Variants in TNS2 observed in about 807,000 individuals in gnomAD.
The protein encoded by TNS2 is tensin-2.
Under a neutral mutation model 155.7 loss-of-function variants are expected in TNS2, and 77 were observed. The ratio of observed to expected loss-of-function variants is 0.49; its 90% CI spans 0.41 to 0.60. TNS2 has a LOEUF of 0.60. Among genes scored for constraint, TNS2 ranks in the 20% least tolerant of loss-of-function variants. TNS2 has a pLI of 0.00. For synonymous variants in TNS2, 726 were observed against 763.9 expected (o/e 0.95, Z 0.82); for missense variants, 1,703 against 1,868.8 (o/e 0.91, Z 1.64).
chr12:53,062,889 C>T (rs180980657), intron 25 of TNS2, 192 bp downstream of exon 25: 5 of 923,018 alleles, frequency 5.4e-6, no homozygotes, highest in African/African-American at 3.3e-5. Context: ...ATGAACAAGA[C>T]GATCATGGGG....
At position 53,060,445 on chromosome 12, in the gene TNS2, G is replaced by GCA; in HGVS notation, c.2661_2662dup (p.Ser888ThrfsTer54). 1 of 1,613,552 alleles carries GCA rather than the reference G, an allele frequency of 6.2e-7. No homozygotes were observed. The highest frequency in any genetic ancestry group is 8.5e-7 in the Non-Finnish European group (1 of 1,179,972). ...TGTCCTGGAGGGAGGGCCCCAGTGG[G>GCA]CACAGCACACTGCCTCGGTCTCCCC... On this transcript the variant is annotated frameshift_variant, in exon 19 of 29. Coordinates refer to ENST00000314250, the MANE Select transcript of TNS2 (RefSeq NM_170754.4). LOFTEE classifies it high-confidence loss of function. This position sits in a 1 kb window ranked among gnomAD's most constrained non-coding sequence, Gnocchi z 6.1.
rs780172501 is a variant in TNS2, at chr12:53,063,829, G to A, written c.4177G>A (p.Ala1393Thr). Reference protein sequence around the residue: ...LFAELDPDQPAGAIVTFITKV... With the variant: ...LFAELDPDQPTGAIVTFITKV... ...TGCAGAGCTTGACCCAGATCAGCCT[G>A]CTGGCGCCATTGTCACCTTCATCAC... The change falls in exon 29 of 29, where the codon GCT becomes ACT. Residue 1393 changes from alanine to threonine, a missense_variant. Coordinates refer to ENST00000314250, the MANE Select transcript of TNS2 (RefSeq NM_170754.4). This position sits in a 1 kb window ranked among gnomAD's most constrained non-coding sequence, Gnocchi z 5.6. 3 of 1,614,184 alleles carry A rather than the reference G, an allele frequency of 1.9e-6. No homozygotes were observed. In the South Asian group the frequency reaches 3.3e-5, roughly 18 times the overall value.
At chr12:53,057,179 C>T in intron 11 of TNS2, 83 bp downstream of exon 11, 2 of 1,425,786 alleles carry the variant, frequency 1.4e-6, no homozygotes, top group East Asian at 2.5e-5. Context: ...TCATGCAGCA[C>T]ACTTTCACTG....
upstream of TNS2, chr12:53,048,955 T>C: frequency 4.1e-6 from 2 of 493,320 alleles, no homozygotes; most frequent in South Asian, 6.5e-5. Flanking sequence ...ATTTGCACAT[T>C]CTTTCAAGTG....
Position 53,058,198 on chromosome 12 carries a change from G to A in TNS2, c.1095+96G>A, listed in dbSNP as rs183587282. The stretch of plus-strand genomic sequence containing the variant: ...ACCAATTTGAGACAGATTGGAGAGC[G>A]AGTAGGGAGATCACCTTGAGATCGA... On this transcript the variant is annotated intron_variant, in intron 14 of 28. Coordinates refer to ENST00000314250, the MANE Select transcript of TNS2 (RefSeq NM_170754.4). The A allele has an allele frequency of 2.1e-4, 331 of 1,607,448 alleles. 3 individuals are homozygous for A. In the East Asian group the frequency reaches 5.9e-3, roughly 29 times the overall value.
chr12:53,060,100 G>T lies in TNS2; in HGVS notation c.2459G>T (p.Ser820Ile). ...CCAGGAGAGGGCAGAGGGTATCCCA[G>T]CCCTGGTGCCCACTCCCCACGGGCT... Reference protein sequence around the residue: ...GSPGEGRGYPSPGAHSPRAGS... With the variant: ...GSPGEGRGYPIPGAHSPRAGS... Residue 820 changes from serine to isoleucine, a missense_variant, in exon 18 of 29, where the codon AGC becomes ATC. By Grantham distance (142) the Ser-to-Ile change is moderately radical (BLOSUM62 -2). Transcript: ENST00000314250. The surrounding 1 kb of genome is among the most constrained non-coding windows in gnomAD (Gnocchi z 6.1). 1 of 1,611,064 alleles carries T rather than the reference G, an allele frequency of 6.2e-7. No homozygotes were observed. The highest frequency in any genetic ancestry group is 8.5e-7 in the Non-Finnish European group (1 of 1,178,538).
chr12:53,062,314 G>A lies in TNS2; in HGVS notation c.3668-62G>A. On this transcript the variant is annotated intron_variant, in intron 23 of 28. Transcript: ENST00000314250. ...GGGAGATGCCAAGGGATCTCAGGAG[G>A]ATGGAAGGGAAAGGCGGGGCACCCT... is the stretch of plus-strand genomic sequence containing the variant. The A allele has an allele frequency of 3.1e-6, 5 of 1,612,852 alleles. No individual in the cohort carries two copies. The South Asian group carries it at 5.5e-5, about 18-fold the overall frequency.
intron 7 of TNS2, among the ~76,000 whole-genome samples, chr12:53,054,666 T>C (rs564213593): frequency 6.6e-6 from 1 of 152,140 alleles, no homozygotes; most frequent in South Asian, 2.1e-4. Flanking sequence ...TACCTTTTTA[T>C]TTTCTTTATT....
At position 53,059,832 on chromosome 12, in the gene TNS2, C is replaced by G; in HGVS notation, c.2191C>G (p.Pro731Ala). Reference protein sequence around the residue: ...AGKPLLHPVRPGHPLPLLLPA... With the variant: ...AGKPLLHPVRAGHPLPLLLPA... ...CAAGCCTCTCCTGCACCCAGTGCGG[C>G]CTGGGCACCCGCTGCCTCTGCTCTT... The change falls in exon 18 of 29, where the codon CCT (proline) becomes GCT (alanine). Residue 731 changes from proline (P) to alanine (A), a missense_variant. Transcript: ENST00000314250. The surrounding 1 kb of genome is among the most constrained non-coding windows in gnomAD (Gnocchi z 4.7). The G allele has an allele frequency of 6.2e-7, 1 of 1,612,962 alleles. No homozygotes were observed. Among genetic ancestry groups the G allele is most frequent in the Non-Finnish European group, 8.5e-7 (1 of 1,179,948 alleles).
rs770415720 is a variant in TNS2, at chr12:53,063,122, CAG to C, written c.3860_3861del (p.Glu1287ValfsTer19). On this transcript the variant is annotated frameshift_variant, in exon 26 of 29. Transcript: ENST00000314250. LOFTEE classifies it high-confidence loss of function. This position sits in a 1 kb window ranked among gnomAD's most constrained non-coding sequence, Gnocchi z 5.6. ...GTGCTCTACTTGACCTCAGTGGAGA[CAG>C]AGTCACTGACGGGCCCCCAAGCTGT... 9 of 1,586,464 alleles carry C rather than the reference CAG, an allele frequency of 5.7e-6. No homozygotes were observed. Among genetic ancestry groups the C allele is most frequent in the African/African-American group, 1.3e-5 (1 of 74,074 alleles).
At position 53,062,464 on chromosome 12, in the gene TNS2, G is replaced by T. The variant is rs746907676; in HGVS notation, c.3745+11G>T. 4 of 1,613,350 alleles carry T rather than the reference G, an allele frequency of 2.5e-6. No homozygotes were observed. The South Asian group carries it at 3.3e-5, about 13-fold the overall frequency. On this transcript the variant is annotated intron_variant, in intron 24 of 28. Transcript: ENST00000314250. The stretch of plus-strand genomic sequence containing the variant: ...GCATTCCCAGCAAAGGTGAGTGTCT[G>T]GTCATCTGTCCTCCCCACCTCTCCC...
chr12:53,062,350 G>C, intron 23 of TNS2, 26 bp from the exon 24 acceptor site: 1 of 1,613,596 alleles, frequency 6.2e-7, no homozygotes, highest in Admixed American at 1.7e-5. Flanking sequence ...GGGCATCTCG[G>C]GACTTTCCTA....
Position 53,060,019 on chromosome 12 carries a change from G to A in TNS2, c.2378G>A (p.Gly793Glu). Reference protein sequence around the residue: ...YPALVTYSYGGAVPSYCPAYG... With the variant: ...YPALVTYSYGEAVPSYCPAYG... ...GCCCTGGTGACATACAGCTATGGAG[G>A]AGCAGTTCCCAGTTACTGCCCAGCA... Residue 793 changes from glycine to glutamate, a missense_variant, in exon 18 of 29, where the codon GGA (glycine) becomes GAA (glutamate). Physicochemically the swap from Gly to Glu is moderately conservative, Grantham distance 98. Coordinates refer to ENST00000314250, the MANE Select transcript of TNS2 (RefSeq NM_170754.4). The surrounding 1 kb of genome is among the most constrained non-coding windows in gnomAD (Gnocchi z 6.1). The A allele has an allele frequency of 1.2e-6, 2 of 1,613,546 alleles. No homozygotes were observed. The highest frequency in any genetic ancestry group is 1.7e-5 in the Admixed American group (1 of 60,008).
rs1944214873 is a variant in TNS2 at position 53,057,845 on chromosome 12, A to G, written c.1019+12A>G. On this transcript the variant is annotated intron_variant, in intron 13 of 28. Transcript: ENST00000314250. ...ACATCTGGAGTCTAGTGAGTGCTCTATTCCCAGGCCCCTGACACTTCATGA... is the reference window on the plus strand; with the variant it reads ...ACATCTGGAGTCTAGTGAGTGCTCTGTTCCCAGGCCCCTGACACTTCATGA... The G allele has an allele frequency of 1.9e-6, 3 of 1,613,788 alleles. No individual in the cohort carries two copies. Among genetic ancestry groups the G allele is most frequent in the East Asian group, 4.5e-5 (2 of 44,884 alleles).
At chr12:53,054,585 C>G in intron 7 of TNS2, 144 bp downstream of exon 7, 1 of 1,135,274 alleles carries the variant, frequency 8.8e-7, no homozygotes, top group South Asian at 1.9e-5. Context: ...GCCCGGAGCG[C>G]GGCCTGGAGC....
chr12:53,054,456 C>T lies in TNS2; in HGVS notation c.522+15C>T, dbSNP rs1177703238. The T allele has an allele frequency of 6.3e-7, 1 of 1,583,972 alleles. No individual in the cohort carries two copies. Among genetic ancestry groups the T allele is most frequent in the Non-Finnish European group, 8.6e-7 (1 of 1,168,958 alleles). On this transcript the variant is annotated intron_variant, in intron 7 of 28. Transcript: ENST00000314250. ...ACAAGTACCTGGTGAGGGGCGGGGC[C>T]ATCAGGAGTCCGCCAATGAGAGGGA... is the stretch of plus-strand genomic sequence containing the variant.
intron 10 of TNS2, 80 bp from the exon 11 acceptor site, chr12:53,056,933 T>G: frequency 7.4e-7 from 1 of 1,343,198 alleles, no homozygotes; most frequent in Non-Finnish European, 1.0e-6. Flanking sequence ...ATATTTCTCC[T>G]CCATCCCCTG....
At chr12:53,057,213 T>G (rs1182615021) in intron 11 of TNS2, 117 bp downstream of exon 11, 1 of 1,140,576 alleles carries the variant, frequency 8.8e-7, no homozygotes, top group Non-Finnish European at 1.3e-6. Context: ...CCGTGCCAGG[T>G]GCTGAGAATT....
intron 13 of TNS2, 63 bp downstream of exon 13, chr12:53,057,896 C>A (rs1006163628): frequency 6.2e-7 from 1 of 1,611,650 alleles, no homozygotes; most frequent in African/African-American, 1.3e-5. Context: ...CTCCTGCATT[C>A]CTGCTTCTCC....
Sources: allele counts gnomAD v4.1 joint callset (sites outside exome capture counted in the v4.1 genomes callset), GRCh38; gene constraint gnomAD v4.1.1; non-coding constraint Gnocchi (gnomAD v3.1); transcripts MANE v1.5; gene names NCBI Gene and HGNC (gene_info 2026-07-23, HGNC 2026-07-21).